Variants in TTC7A observed in about 807,000 individuals in gnomAD.
TTC7A encodes tetratricopeptide repeat protein 7A.
In TTC7A, 110 loss-of-function variants were observed where a neutral mutation model predicts 103.7. The ratio of observed to expected loss-of-function variants is 1.06; its 90% CI spans 0.91 to 1.24. TTC7A has a LOEUF of 1.24. Among genes scored for constraint, TTC7A ranks in the 50% most tolerant of loss-of-function variants. The pLI, the probability that TTC7A is intolerant of heterozygous loss-of-function variation, is 0.00. For missense variants in TTC7A, 1,340 were observed against 1,116.3 expected (o/e 1.20, Z -2.86); for synonymous variants, 521 against 467.9 (o/e 1.11, Z -1.47).
intron 5 of TTC7A, among the ~76,000 whole-genome samples, chr2:46,981,085 T>C (rs866946556): frequency 6.6e-6 from 1 of 152,198 alleles, no homozygotes; most frequent in African/African-American, 2.4e-5. Flanking sequence ...TATTATATCA[T>C]TGGCCACTGG....
intron 15 of TTC7A, among the ~76,000 whole-genome samples, chr2:47,032,327 G>C (rs1680633666): frequency 6.6e-6 from 1 of 152,346 alleles, no homozygotes; most frequent in South Asian, 2.1e-4. Context: ...AGACTGTGCT[G>C]GTTGTCAATG....
At chr2:46,966,097 G>C (rs57638429) in intron 3 of TTC7A, among the ~76,000 whole-genome samples, 1 of 151,966 alleles carries the variant, frequency 6.6e-6, no homozygotes, top group Non-Finnish European at 1.5e-5. Context: ...TTACAGGCAT[G>C]CGCCACCACG....
chr2:47,024,489 T>G (rs912753957), intron 14 of TTC7A, 130 bp downstream of exon 14: 1 of 807,206 alleles, frequency 1.2e-6, no homozygotes, highest in East Asian at 3.0e-5. Flanking sequence ...TTATCTGTCA[T>G]GTAAGTCCTT....
At chr2:46,982,839 C>T (rs908931652) in intron 5 of TTC7A, among the ~76,000 whole-genome samples, 2 of 152,038 alleles carry the variant, frequency 1.3e-5, no homozygotes, top group African/African-American at 2.4e-5. Flanking sequence ...TCGTGGTGTG[C>T]ACCTGTGGTC....
At chr2:47,056,060 G>A (rs1030759265) in intron 18 of TTC7A, among the ~76,000 whole-genome samples, 8 of 152,160 alleles carry the variant, frequency 5.3e-5, no homozygotes, top group African/African-American at 1.9e-4. Context: ...ACAGGCCCAT[G>A]CAGCCCCTGA....
At position 47,073,817 on chromosome 2, in the gene TTC7A, A is replaced by G. The variant is rs2103676030; in HGVS notation, c.2471A>G (p.Gln824Arg). 6.2e-7 allele frequency: 1 copy of G among 1,613,710 alleles called. No homozygotes were observed. Among genetic ancestry groups the G allele is most frequent in the Non-Finnish European group, 8.5e-7 (1 of 1,179,988 alleles). ...TGGCAGGGCCTGGGCGAGGTGCTGC[A>G]GGCCCAGGGCCAGAACGAGGCTGCC... is the stretch of plus-strand genomic sequence containing the variant. ...EAWQGLGEVLQAQGQNEAAVD... is the reference protein window; with the variant it reads ...EAWQGLGEVLRAQGQNEAAVD... The change falls in exon 20 of 20, where the codon CAG becomes CGG. Residue 824 changes from glutamine to arginine, a missense_variant. Gln to Arg is a conservative substitution (Grantham distance 43). Transcript: ENST00000319190.
chr2:46,927,045 CTA>C (rs1360071194), intron 2 of TTC7A, among the ~76,000 whole-genome samples: 3 of 151,382 alleles, frequency 2.0e-5, no homozygotes, highest in African/African-American at 7.3e-5. Context: ...CCAGAGGAAA[CTA>C]TTGTATCTAG....
chr2:46,995,006 T>G, intron 7 of TTC7A, 130 bp from the exon 8 acceptor site: 1 of 797,442 alleles, frequency 1.3e-6, no homozygotes, highest in Non-Finnish European at 2.1e-6. Context: ...CCGGTGCCCA[T>G]GAATTATGCA....
intron 2 of TTC7A, among the ~76,000 whole-genome samples, chr2:46,922,949 A>C (rs555471687): frequency 6.6e-6 from 1 of 152,314 alleles, no homozygotes; most frequent in African/African-American, 2.4e-5. Context: ...TAGCTTTTAG[A>C]TGGATTTCCC....
chr2:47,015,240 G>A (rs1678511946), intron 11 of TTC7A, among the ~76,000 whole-genome samples: 1 of 152,240 alleles, frequency 6.6e-6, no homozygotes, highest in Admixed American at 6.5e-5. Flanking sequence ...AAAGAGAGAT[G>A]TAAATATTTT....
chr2:47,039,598 G>C (rs765043120), intron 15 of TTC7A, among the ~76,000 whole-genome samples: 2 of 152,192 alleles, frequency 1.3e-5, no homozygotes, highest in Non-Finnish European at 2.9e-5. Flanking sequence ...TCATTTCTGA[G>C]GAGTCTCACC....
In TTC7A at chr2:47,012,758, G is replaced by A. The variant is rs183474362; in HGVS notation, c.1392+1323G>A. ...AGGGCTTGCCTTCTCTCTGCTCCAG[G>A]GAGTCAGTCCTCCCAAGCACAAAGA... On this transcript the variant is annotated intron_variant, in intron 11 of 19. Transcript: ENST00000319190. 2.0e-5 allele frequency among the ~76,000 whole-genome samples: 3 copies of A among 152,218 alleles called. No homozygotes were observed. In the East Asian group the frequency reaches 5.8e-4, roughly 29 times the overall value.
At chr2:47,013,077 A>G (rs897879332) in intron 11 of TTC7A, among the ~76,000 whole-genome samples, 1 of 152,164 alleles carries the variant, frequency 6.6e-6, no homozygotes, top group African/African-American at 2.4e-5. Flanking sequence ...TCATCTGTAA[A>G]ATGGAAACAG....
intron 1 of TTC7A, among the ~76,000 whole-genome samples, chr2:46,943,539 CAT>C (rs1389779585): frequency 6.6e-6 from 1 of 152,174 alleles, no homozygotes; most frequent in African/African-American, 2.4e-5. Flanking sequence ...CACTGGGACA[CAT>C]AGTCATACAT....
In TTC7A at chr2:46,967,849, G is replaced by T. The variant is rs564446300; in HGVS notation, c.518-7124G>T. On this transcript the variant is annotated intron_variant, in intron 3 of 19. Coordinates refer to ENST00000319190, the MANE Select transcript of TTC7A (RefSeq NM_020458.4). ...CTAATTTTAACAGAGTGATCTGTGA[G>T]GGTTCTTTCCTACCTGGCCTTTCGG... Among the ~76,000 whole-genome samples, 3 of 152,124 alleles carry T rather than the reference G, an allele frequency of 2.0e-5. No homozygotes were observed. The East Asian group carries it at 5.8e-4, about 29-fold the overall frequency.
rs147732967 is a variant in TTC7A at position 47,027,047 on chromosome 2, G to C, written c.1642-2177G>C. Among the ~76,000 whole-genome samples, 91 of 152,282 alleles carry C rather than the reference G, an allele frequency of 6.0e-4. 2 individuals carry two copies. The East Asian group carries it at 0.017, about 28-fold the overall frequency. On this transcript the variant is annotated intron_variant, in intron 14 of 19. Transcript: ENST00000319190. Reference sequence around the variant, plus strand: ...TAGCTGGCAGATTCTTTATCCCAGGGCCAGGCCTTCCTGGCCCTCCACCCT... The same window carrying C: ...TAGCTGGCAGATTCTTTATCCCAGGCCCAGGCCTTCCTGGCCCTCCACCCT...
upstream of TTC7A, among the ~76,000 whole-genome samples, chr2:46,940,213 G>T (rs1670213616): frequency 6.6e-6 from 1 of 152,116 alleles, no homozygotes; most frequent in African/African-American, 2.4e-5. This position sits in a 1 kb window ranked among gnomAD's most constrained non-coding sequence, Gnocchi z 4.7. Flanking sequence ...CAGTGGTGAA[G>T]ACTCCAGAGG....
Position 47,069,206 on chromosome 2 carries a change from C to CAGAGG in TTC7A, c.2356-4492_2356-4488dup, listed in dbSNP as rs1399328173. 2.6e-5 allele frequency among the ~76,000 whole-genome samples: 4 copies of CAGAGG among 152,016 alleles called. No homozygotes were observed. In the East Asian group the frequency reaches 5.8e-4, roughly 22 times the overall value. On this transcript the variant is annotated intron_variant, in intron 19 of 19. Transcript: ENST00000319190. ...GAGGAGAAAAGGCCCAGCCACTGGC[C>CAGAGG]AGAGGAGACGGCTGGCAAGGAAGTC...
chr2:46,974,883 C>A lies in TTC7A; in HGVS notation c.518-90C>A, dbSNP rs977191282. The A allele has an allele frequency of 8.4e-6, 13 of 1,545,242 alleles. No individual in the cohort carries two copies. In the East Asian group the frequency reaches 1.4e-4, roughly 17 times the overall value. The stretch of plus-strand genomic sequence containing the variant: ...CTGGCTGCACCAGAGTGTCTGCCCC[C>A]TCGGATGAGCCCACCTTCGGCCCAT... On this transcript the variant is annotated intron_variant, in intron 3 of 19. Coordinates refer to ENST00000319190, the MANE Select transcript of TTC7A (RefSeq NM_020458.4).
Sources: gnomAD v4.1 joint callset for allele counts (sites outside exome capture counted in the v4.1 genomes callset) on GRCh38, gnomAD v4.1.1 for gene constraint, Gnocchi (gnomAD v3.1) non-coding constraint, MANE v1.5 for transcripts, NCBI Gene and HGNC (gene_info 2026-07-23, HGNC 2026-07-21) for gene names.